Variants in TSGA10 observed in about 807,000 individuals in gnomAD.
TSGA10 encodes testis specific 10.
TSGA10 carries 43 observed loss-of-function variants against 96.6 expected under a neutral mutation model. The observed-to-expected ratio is 0.44, with a 90% CI of 0.35 to 0.57. The LOEUF is 0.57. Among genes scored for constraint, TSGA10 ranks in the 20% least tolerant of loss-of-function variants. The probability of loss-of-function intolerance (pLI) is 0.01; values close to 1 mark genes in which losing one functional copy is unlikely to be tolerated. For synonymous variants in TSGA10, 229 were observed against 269.9 expected, an observed-to-expected ratio of 0.85 and a Z score of 1.48; for missense variants, 703 against 834.4, an observed-to-expected ratio of 0.84 and a Z score of 1.94.
intron 11 of TSGA10, among the ~76,000 whole-genome samples, chr2:99,080,723 T>G (rs764433919): frequency 6.6e-6 from 1 of 152,176 alleles, no homozygotes; most frequent in East Asian, 1.9e-4. Flanking sequence ...TGCTTTAAAA[T>G]AGGCTCTTCT....
chr2:99,075,183 T>G (rs2086553342), intron 12 of TSGA10, among the ~76,000 whole-genome samples: 1 of 152,184 alleles, frequency 6.6e-6, no homozygotes, highest in Non-Finnish European at 1.5e-5. Flanking sequence ...CCATCATTCC[T>G]TGTACAACCT....
intron 17 of TSGA10, among the ~76,000 whole-genome samples, chr2:99,033,872 G>A (rs973186233): frequency 2.6e-5 from 4 of 152,018 alleles, no homozygotes; most frequent in African/African-American, 7.2e-5. Flanking sequence ...GAATTATGGG[G>A]GCAACGAGTG....
At chr2:99,094,539 C>CA (rs2089789257) in intron 10 of TSGA10, among the ~76,000 whole-genome samples, 1 of 152,004 alleles carries the variant, frequency 6.6e-6, no homozygotes, top group South Asian at 2.1e-4. Context: ...ACACGGAACT[C>CA]AAACAAATTA....
chr2:99,071,396 CCTATT>C lies in TSGA10; in HGVS notation c.1107+305_1107+309del, dbSNP rs1240898363. 2.7e-5 allele frequency among the ~76,000 whole-genome samples: 4 copies of C among 150,260 alleles called. No individual in the cohort carries two copies. In the South Asian group the frequency reaches 8.5e-4, roughly 32 times the overall value. ...AGTCCATTTTTTTAAAAAAAAAACA[CCTATT>C]CTTTTCTTTAAGGTTTCTCAAGGTT... On this transcript the variant is annotated intron_variant, in intron 14 of 20. Coordinates refer to ENST00000393483, the MANE Select transcript of TSGA10 (RefSeq NM_025244.4).
chr2:99,023,678 C>T (rs954502800), intron 17 of TSGA10, among the ~76,000 whole-genome samples: 3 of 152,172 alleles, frequency 2.0e-5, no homozygotes, highest in African/African-American at 7.2e-5. Context: ...GTCCTAGCAC[C>T]TGTATTTTGA....
intron 1 of TSGA10, among the ~76,000 whole-genome samples, chr2:99,136,056 G>T (rs1294760208): frequency 2.0e-5 from 3 of 150,726 alleles, no homozygotes; most frequent in East Asian, 2.0e-4. Context: ...AGGAGTAAAT[G>T]AATTAATATA....
chr2:99,097,771 T>C (rs1001131493), intron 10 of TSGA10, among the ~76,000 whole-genome samples: 2 of 152,132 alleles, frequency 1.3e-5, no homozygotes, highest in Non-Finnish European at 1.5e-5. Context: ...ATACAAAAGA[T>C]GTCAGATTAA....
At chr2:99,084,411 C>T (rs1488540998) in intron 10 of TSGA10, among the ~76,000 whole-genome samples, 3 of 151,762 alleles carry the variant, frequency 2.0e-5, no homozygotes. Context: ...CACATGAGAT[C>T]TGGCTGTTCA....
At chr2:99,127,209 A>G in intron 1 of TSGA10, 33 bp from the exon 2 acceptor site, 1 of 1,240,394 alleles carries the variant, frequency 8.1e-7, no homozygotes, top group South Asian at 1.4e-5. Flanking sequence ...ATACAGAGGC[A>G]TTCAGTTTAA....
intron 10 of TSGA10, among the ~76,000 whole-genome samples, chr2:99,098,612 A>AACAG (rs1363401923): frequency 4.5e-5 from 4 of 88,176 alleles, no homozygotes; most frequent in African/African-American, 6.5e-5. Context: ...AAAAACAAAC[A>AACAG]ATAGGATCAA....
intron 1 of TSGA10, among the ~76,000 whole-genome samples, chr2:99,136,283 C>T (rs1241912662): frequency 6.6e-6 from 1 of 152,128 alleles, no homozygotes; most frequent in East Asian, 1.9e-4. Context: ...CACATGTATT[C>T]ACTTTATATG....
In TSGA10 at chr2:99,065,190, T is replaced by C; in HGVS notation, c.1219-66A>G. 2.0e-6 allele frequency: 3 copies of C among 1,525,454 alleles called. No individual in the cohort carries two copies. In the Admixed American group the frequency reaches 6.0e-5, roughly 31 times the overall value. 94.5% of individuals were successfully genotyped at this position (1,525,454 alleles called of 1,614,324 possible). The stretch of plus-strand genomic sequence containing the variant: ...ATATGATAAAAATTAAACATTATTA[T>C]CCAAGTCATTGGGAATTCACTTGCC... On this transcript the variant is annotated intron_variant, in intron 15 of 20. Coordinates refer to ENST00000393483, the MANE Select transcript of TSGA10 (RefSeq NM_025244.4).
chr2:99,141,140 C>A (rs745968720), intron 1 of TSGA10: 58 of 1,273,894 alleles, frequency 4.6e-5, no homozygotes, highest in Non-Finnish European at 5.7e-5. Context: ...CAGAGCTCAT[C>A]CCCGCGACTG....
At chr2:99,068,397 A>T (rs1272314616) in intron 15 of TSGA10, among the ~76,000 whole-genome samples, 1 of 152,194 alleles carries the variant, frequency 6.6e-6, no homozygotes, top group African/African-American at 2.4e-5. Flanking sequence ...GTTGCCACAC[A>T]TGCACCACAC....
intron 16 of TSGA10, among the ~76,000 whole-genome samples, chr2:99,054,019 GA>G (rs57843500): frequency 0.097 from 14,656 of 151,758 alleles, 1,707 homozygotes; most frequent in African/African-American, 0.27. Flanking sequence ...TACAGAAATA[GA>G]AAAAAAATCC....
intron 16 of TSGA10, among the ~76,000 whole-genome samples, chr2:99,063,064 T>C (rs1225089419): frequency 6.6e-6 from 1 of 152,156 alleles, no homozygotes; most frequent in African/African-American, 2.4e-5. Context: ...AGGGGATAAA[T>C]TGACCAATGG....
At chr2:99,078,222 G>A (rs910806661) in intron 12 of TSGA10, among the ~76,000 whole-genome samples, 12 of 138,638 alleles carry the variant, frequency 8.7e-5, no homozygotes, top group Non-Finnish European at 1.7e-4. Flanking sequence ...AGTAAGCCGA[G>A]ATCGCGCTAC....
intron 10 of TSGA10, among the ~76,000 whole-genome samples, chr2:99,082,519 G>T (rs181747293): frequency 2.0e-5 from 3 of 152,016 alleles, no homozygotes; most frequent in African/African-American, 7.2e-5. Context: ...TCTCTAACTC[G>T]CTTGGGTATA....
intron 16 of TSGA10, among the ~76,000 whole-genome samples, chr2:99,061,794 G>C (rs1277018420): frequency 6.6e-6 from 1 of 152,152 alleles, no homozygotes. Flanking sequence ...TAACCCCCTA[G>C]TGTGACTATA....
Sources: gnomAD v4.1 joint callset for allele counts (sites outside exome capture counted in the v4.1 genomes callset) on GRCh38, gnomAD v4.1.1 for gene constraint, MANE v1.5 for transcripts, NCBI Gene and HGNC (gene_info 2026-07-23, HGNC 2026-07-21) for gene names.